Variants in PPP1R14C observed in about 807,000 individuals in gnomAD.
PPP1R14C encodes the protein protein phosphatase 1 regulatory inhibitor subunit 14C.
PPP1R14C carries 16 observed loss-of-function variants against 20.4 expected under a neutral mutation model. That is an observed-to-expected ratio of 0.78 (90% CI 0.53 to 1.19). The LOEUF is 1.19. Ranked by LOEUF, PPP1R14C falls within the 50% of genes most tolerant of loss-of-function variation. The pLI is 0.00. For missense variants in PPP1R14C, 211 were observed against 220.1 expected (o/e 0.96, Z 0.26); for synonymous variants, 91 against 91.0 (o/e 1.00, Z 0.00).
intron 1 of PPP1R14C, among the ~76,000 whole-genome samples, chr6:150,205,032 T>A: frequency 6.8e-6 from 1 of 147,506 alleles, no homozygotes. Context: ...TCTGGAGCAC[T>A]TTGATAATCT....
Position 150,248,924 on chromosome 6 carries a change from TTTG to T in PPP1R14C, c.*107_*109del. The stretch of plus-strand genomic sequence containing the variant: ...AATAGGTGTCCTTATGAACAACGTT[TTTG>T]TTTTTTTTTTTTTCTTTTTTGGTGT... On this transcript the variant is annotated 3_prime_UTR_variant, in exon 4 of 4. Transcript: ENST00000361131. 13 of 621,552 alleles carry T rather than the reference TTTG, an allele frequency of 2.1e-5. No homozygotes were observed. Among genetic ancestry groups the T allele is most frequent in the South Asian group, 2.8e-5 (1 of 35,088 alleles). 38.5% of individuals were successfully genotyped at this position (621,552 alleles called of 1,614,324 possible).
intron 3 of PPP1R14C, among the ~76,000 whole-genome samples, chr6:150,225,800 A>C (rs2114919933): frequency 6.6e-6 from 1 of 152,368 alleles, no homozygotes; most frequent in East Asian, 1.9e-4. Flanking sequence ...AGCACATGAC[A>C]TAAAGCTTCA....
intron 1 of PPP1R14C, among the ~76,000 whole-genome samples, chr6:150,150,199 A>G (rs994395238): frequency 1.3e-5 from 2 of 152,238 alleles, no homozygotes; most frequent in African/African-American, 2.4e-5. Flanking sequence ...TACTGTAGTC[A>G]TATCACATTC....
intron 1 of PPP1R14C, among the ~76,000 whole-genome samples, chr6:150,168,282 A>T (rs1354653601): frequency 6.6e-6 from 1 of 150,818 alleles, no homozygotes; most frequent in Non-Finnish European, 1.5e-5. Context: ...CACGCCTGTA[A>T]TCCCAGCACT....
intron 3 of PPP1R14C, among the ~76,000 whole-genome samples, chr6:150,240,193 A>G (rs1778414937): frequency 6.6e-6 from 1 of 152,274 alleles, no homozygotes; most frequent in Non-Finnish European, 1.5e-5. Context: ...CATTACTAAC[A>G]TTAGGAATGA....
chr6:150,236,648 T>TGCGCGC (rs1778364985), intron 3 of PPP1R14C, among the ~76,000 whole-genome samples: 1 of 148,160 alleles, frequency 6.7e-6, no homozygotes, highest in African/African-American at 2.5e-5. Flanking sequence ...TGCGCGTGTG[T>TGCGCGC]GTGTTTAGCC....
chr6:150,180,353 C>G (rs560446008), intron 1 of PPP1R14C, among the ~76,000 whole-genome samples: 1 of 152,350 alleles, frequency 6.6e-6, no homozygotes, highest in East Asian at 1.9e-4. Context: ...TTGGCCTCAG[C>G]TCTAGCTGTG....
At chr6:150,194,979 GAA>G (rs1462604151) in intron 1 of PPP1R14C, 1 of 985,078 alleles carries the variant, frequency 1.0e-6, no homozygotes, top group African/African-American at 1.7e-5. Flanking sequence ...GTTATAAAAA[GAA>G]TATGTGTCTG....
Position 150,153,056 on chromosome 6 carries a change from C to T in PPP1R14C, c.306+9558C>T, listed in dbSNP as rs927068122. ...GAAAGCACAGCAAGAAGATGGAAGA[C>T]GGCCACCTGTAGACCAGGAGGAGGA... is the stretch of plus-strand genomic sequence containing the variant. On this transcript the variant is annotated intron_variant, in intron 1 of 3. Coordinates refer to ENST00000361131, the MANE Select transcript of PPP1R14C (RefSeq NM_030949.3). Among the ~76,000 whole-genome samples, 5 of 152,332 alleles carry T rather than the reference C, an allele frequency of 3.3e-5. No homozygotes were observed. In the South Asian group the frequency reaches 6.2e-4, roughly 19 times the overall value.
At chr6:150,182,997 CA>C (rs1446432701) in intron 1 of PPP1R14C, among the ~76,000 whole-genome samples, 5 of 152,156 alleles carry the variant, frequency 3.3e-5, no homozygotes, top group Admixed American at 6.5e-5. Flanking sequence ...AGAAAAAGTG[CA>C]GTAAAAATAT....
intron 1 of PPP1R14C, among the ~76,000 whole-genome samples, chr6:150,189,925 C>G (rs1323671322): frequency 6.6e-6 from 1 of 152,116 alleles, no homozygotes; most frequent in Non-Finnish European, 1.5e-5. Flanking sequence ...TCCCCCAACC[C>G]CCCAACACAG....
intron 3 of PPP1R14C, among the ~76,000 whole-genome samples, chr6:150,244,767 G>T (rs756632361): frequency 7.2e-5 from 11 of 152,078 alleles, no homozygotes; most frequent in Admixed American, 2.0e-4. Context: ...ACAAACTGTG[G>T]GTGGGAACAC....
intron 1 of PPP1R14C, among the ~76,000 whole-genome samples, chr6:150,190,187 A>G (rs1468544999): frequency 6.6e-6 from 1 of 152,054 alleles, no homozygotes; most frequent in South Asian, 2.1e-4. Context: ...TCACAAATGT[A>G]TATCTCTAGC....
intron 1 of PPP1R14C, among the ~76,000 whole-genome samples, chr6:150,151,018 C>G (rs1408945922): frequency 2.0e-5 from 3 of 151,754 alleles, no homozygotes; most frequent in Non-Finnish European, 4.4e-5. Context: ...GGCCCTGGCT[C>G]TCTGTTTTTT....
chr6:150,206,690 C>T (rs887715936), intron 1 of PPP1R14C, among the ~76,000 whole-genome samples: 2 of 152,182 alleles, frequency 1.3e-5, no homozygotes, highest in South Asian at 2.1e-4. Flanking sequence ...TTTGCATCTG[C>T]GTCAGTGCCC....
At chr6:150,204,687 G>A (rs757164824) in intron 1 of PPP1R14C, among the ~76,000 whole-genome samples, 113 of 152,300 alleles carry the variant, frequency 7.4e-4, no homozygotes, top group Non-Finnish European at 1.0e-3. Context: ...TAGGGGATGC[G>A]TTACCCTGCC....
intron 1 of PPP1R14C, among the ~76,000 whole-genome samples, chr6:150,154,741 T>TGTGA (rs1442596879): frequency 2.6e-5 from 4 of 152,196 alleles, no homozygotes; most frequent in African/African-American, 4.8e-5. Context: ...TGATGTCTTG[T>TGTGA]GTGAGTGGCT....
chr6:150,212,729 T>A (rs534595020), intron 1 of PPP1R14C, among the ~76,000 whole-genome samples: 1 of 152,332 alleles, frequency 6.6e-6, no homozygotes, highest in African/African-American at 2.4e-5. Flanking sequence ...CATAAGATTA[T>A]AATACCCTGT....
intron 3 of PPP1R14C, among the ~76,000 whole-genome samples, chr6:150,243,865 A>G (rs1778461426): frequency 6.6e-6 from 1 of 152,250 alleles, no homozygotes; most frequent in Non-Finnish European, 1.5e-5. Context: ...TAATCCATGC[A>G]GCAGTGTAGC....
Sources: gnomAD v4.1 joint callset for allele counts (sites outside exome capture counted in the v4.1 genomes callset) on GRCh38, gnomAD v4.1.1 for gene constraint, MANE v1.5 for transcripts, NCBI Gene and HGNC (gene_info 2026-07-23, HGNC 2026-07-21) for gene names.